The following NXN variants were observed in gnomAD, a reference collection of about 807,000 sequenced individuals.
NXN encodes the protein nucleoredoxin, also known as nucleoredoxin 1.
In NXN, 16 loss-of-function variants were observed where a neutral mutation model predicts 48.6. That is an observed-to-expected ratio of 0.33 (90% CI 0.22 to 0.50). The LOEUF (loss-of-function observed/expected upper bound fraction) is 0.50, where lower values mean the gene tolerates loss of function less well. NXN is among the 20% of genes least tolerant of loss of function. The probability of loss-of-function intolerance (pLI) is 0.98; values close to 1 mark genes in which losing one functional copy is unlikely to be tolerated. For synonymous variants in NXN, 281 were observed against 269.6 expected, an observed-to-expected ratio of 1.04 and a Z score of -0.41; for missense variants, 492 against 605.5, an observed-to-expected ratio of 0.81 and a Z score of 1.97.
At chr17:903,761 G>C (rs1417566758) in intron 1 of NXN, among the ~76,000 whole-genome samples, 1 of 152,156 alleles carries the variant, frequency 6.6e-6, no homozygotes, top group Non-Finnish European at 1.5e-5. Flanking sequence ...CCATTTTCCA[G>C]ATAGAACACT....
At position 915,240 on chromosome 17, in the gene NXN, G is replaced by T. The variant is rs553819249; in HGVS notation, c.360+64079C>A. The stretch of plus-strand genomic sequence containing the variant: ...TGAGCCACTGCACCCGGCCAGTTGA[G>T]GATTTTATAGTTGAGAATAAGTGGG... On this transcript the variant is annotated intron_variant, in intron 1 of 7. Coordinates refer to ENST00000336868, the MANE Select transcript of NXN (RefSeq NM_022463.5). Among the ~76,000 whole-genome samples, 167 of 152,022 alleles carry T rather than the reference G, an allele frequency of 1.1e-3. 8 individuals are homozygous for T. In the South Asian group the frequency reaches 0.035, roughly 31 times the overall value.
intron 1 of NXN, among the ~76,000 whole-genome samples, chr17:950,454 T>G (rs965530): frequency 0.51 from 77,115 of 150,312 alleles, 21,141 homozygotes; most frequent in Middle Eastern, 0.69. Flanking sequence ...TTCAGGGGTG[T>G]GTGGGGTGCA....
intron 1 of NXN, among the ~76,000 whole-genome samples, chr17:832,473 C>T (rs1473538274): frequency 6.6e-6 from 1 of 152,098 alleles, no homozygotes; most frequent in Non-Finnish European, 1.5e-5. Context: ...GCGTGAGCCA[C>T]CATGCCCAGC....
At chr17:872,203 AGGGAGAGAGG>A (rs893015945) in intron 1 of NXN, among the ~76,000 whole-genome samples, 3 of 139,072 alleles carry the variant, frequency 2.2e-5, no homozygotes, top group African/African-American at 7.8e-5. Context: ...AGAGGGAGGG[AGGGAGAGAGG>A]GGGAGAGAGG....
chr17:939,706 T>C (rs545581671), intron 1 of NXN, among the ~76,000 whole-genome samples: 8 of 152,282 alleles, frequency 5.3e-5, no homozygotes, highest in African/African-American at 1.4e-4. Flanking sequence ...TACATCCTAA[T>C]TGTGTAAGAC....
At position 973,078 on chromosome 17, in the gene NXN, AGGGCTTGC is replaced by A. The variant is rs148517506; in HGVS notation, c.360+6233_360+6240del. On this transcript the variant is annotated intron_variant, in intron 1 of 7. Coordinates refer to ENST00000336868, the MANE Select transcript of NXN (RefSeq NM_022463.5). ...AATCAAATCAGTGACCCTAACTTCC[AGGGCTTGC>A]CTCTGTGCTCTAGCTCACATTCCAA... 3.3e-3 allele frequency among the ~76,000 whole-genome samples: 503 copies of A among 151,548 alleles called. 3 individuals are homozygous for A. The highest frequency in any genetic ancestry group is 0.012 in the African/African-American group (477 of 41,336).
chr17:841,544 C>CAT (rs1567827827), intron 1 of NXN, among the ~76,000 whole-genome samples: 2 of 64,610 alleles, frequency 3.1e-5, no homozygotes, highest in Admixed American at 2.0e-4. Context: ...GAGCATCTCA[C>CAT]GCCGGCGAGC....
intron 6 of NXN, among the ~76,000 whole-genome samples, chr17:804,571 C>A (rs1055373475): frequency 6.6e-6 from 1 of 152,184 alleles, no homozygotes; most frequent in African/African-American, 2.4e-5. Flanking sequence ...GCGCCTGTGT[C>A]CCCCTGGCCC....
At position 868,888 on chromosome 17, in the gene NXN, C is replaced by T. The variant is rs934576268; in HGVS notation, c.361-42810G>A. Among the ~76,000 whole-genome samples, 11 of 152,194 alleles carry T rather than the reference C, an allele frequency of 7.2e-5. No individual in the cohort carries two copies. The South Asian group carries it at 8.3e-4, about 11-fold the overall frequency. On this transcript the variant is annotated intron_variant, in intron 1 of 7. Coordinates refer to ENST00000336868, the MANE Select transcript of NXN (RefSeq NM_022463.5). ...TGTGTTTGTAGGATAAGTAAATGAG[C>T]AGAGAAAGGAAAATGTCCAGATGCA... is the stretch of plus-strand genomic sequence containing the variant.
intron 1 of NXN, among the ~76,000 whole-genome samples, chr17:875,966 G>A (rs185930084): frequency 1.3e-5 from 2 of 152,170 alleles, no homozygotes; most frequent in Non-Finnish European, 2.9e-5. Flanking sequence ...GGCGGGTCAT[G>A]AGGTCAGGAG....
At chr17:938,154 T>C (rs963094136) in intron 1 of NXN, among the ~76,000 whole-genome samples, 2 of 151,980 alleles carry the variant, frequency 1.3e-5, no homozygotes, top group East Asian at 1.9e-4. Context: ...CCTGTGAATA[T>C]GCCTATTCGG....
chr17:869,127 C>T (rs1289960121), intron 1 of NXN, among the ~76,000 whole-genome samples: 1 of 152,158 alleles, frequency 6.6e-6, no homozygotes, highest in Non-Finnish European at 1.5e-5. Flanking sequence ...CTTGGGTGAA[C>T]CCCACTGACC....
At chr17:950,618 C>T (rs886718029) in intron 1 of NXN, among the ~76,000 whole-genome samples, 1 of 151,728 alleles carries the variant, frequency 6.6e-6, no homozygotes, top group Non-Finnish European at 1.5e-5. Context: ...ATCCCCCGTC[C>T]GTTCCCCAAA....
intron 1 of NXN, chr17:878,420 AG>A (rs1193766701): frequency 2.1e-5 from 1 of 48,752 alleles, no homozygotes; most frequent in Non-Finnish European, 3.9e-5. Context: ...GGGGTGGGGG[AG>A]GGGGTGCCCT....
chr17:846,432 G>A (rs112057729), intron 1 of NXN, among the ~76,000 whole-genome samples: 9,694 of 92,320 alleles, frequency 0.11, 348 homozygotes, highest in African/African-American at 0.16. Context: ...AAAAAAAAAA[G>A]AAAAGAAAAA....
chr17:975,439 T>C, intron 1 of NXN, among the ~76,000 whole-genome samples: 1 of 152,114 alleles, frequency 6.6e-6, no homozygotes, highest in Non-Finnish European at 1.5e-5. Context: ...GCCAAAGGGA[T>C]TCAAGTAAAT....
chr17:958,940 A>AACACACAC lies in NXN; in HGVS notation c.360+20371_360+20378dup, dbSNP rs552072210. On this transcript the variant is annotated intron_variant, in intron 1 of 7. Coordinates refer to ENST00000336868, the MANE Select transcript of NXN (RefSeq NM_022463.5). This position sits in a 1 kb window ranked among gnomAD's most constrained non-coding sequence, Gnocchi z 6.9. Reference sequence around the variant, plus strand: ...GCCTGAGACTTGTCTTTAAAAAAGAAACACACACACACACATACACACACA... The same window carrying AACACACAC: ...GCCTGAGACTTGTCTTTAAAAAAGAAACACACACACACACACACACACATACACACACA... 0.03 allele frequency: 4,872 copies of AACACACAC among 159,992 alleles called. 293 individuals are homozygous for AACACACAC. The highest frequency in any genetic ancestry group is 0.27 in the East Asian group (1,530 of 5,728). The allele number at this position is 159,992 out of a possible 1,614,324, so 9.9% of individuals were successfully genotyped here.
At chr17:839,862 C>T (rs1914043637) in intron 1 of NXN, among the ~76,000 whole-genome samples, 1 of 146,704 alleles carries the variant, frequency 6.8e-6, no homozygotes, top group Admixed American at 6.9e-5. Flanking sequence ...TTTGGGAGGC[C>T]GAGGCGGGCA....
chr17:860,087 AT>A (rs1430331292), intron 1 of NXN, among the ~76,000 whole-genome samples: 1 of 152,040 alleles, frequency 6.6e-6, no homozygotes, highest in Non-Finnish European at 1.5e-5. Context: ...CTCTTTGTAT[AT>A]TATGTTATAT....
Sources: allele counts gnomAD v4.1 joint callset (sites outside exome capture counted in the v4.1 genomes callset), GRCh38; gene constraint gnomAD v4.1.1; non-coding constraint Gnocchi (gnomAD v3.1); transcripts MANE v1.5; gene names NCBI Gene and HGNC (gene_info 2026-07-23, HGNC 2026-07-21).